IL23R: variants seen among roughly 807,000 people sequenced by gnomAD.
IL23R encodes the protein interleukin 23 receptor.
IL23R carries 34 observed loss-of-function variants against 56.9 expected under a neutral mutation model. The ratio of observed to expected loss-of-function variants is 0.60; its 90% CI spans 0.45 to 0.80. The LOEUF (loss-of-function observed/expected upper bound fraction) is 0.80, where lower values mean the gene tolerates loss of function less well. IL23R is among the 30% of genes least tolerant of loss of function. The probability of loss-of-function intolerance (pLI) is 0.00; values close to 1 mark genes in which losing one functional copy is unlikely to be tolerated. For synonymous variants in IL23R, 230 were observed against 249.2 expected (o/e 0.92, Z 0.73); for missense variants, 635 against 730.0 (o/e 0.87, Z 1.50).
At chr1:67,197,623 T>C (rs548991375) in intron 4 of IL23R, among the ~76,000 whole-genome samples, 2 of 152,360 alleles carry the variant, frequency 1.3e-5, no homozygotes, top group East Asian at 3.9e-4. Flanking sequence ...AGGACACTCC[T>C]GTGTTAGTCC....
At chr1:67,181,906 C>T (rs1003964755) in intron 3 of IL23R, among the ~76,000 whole-genome samples, 3 of 152,178 alleles carry the variant, frequency 2.0e-5, no homozygotes, top group African/African-American at 7.2e-5. Context: ...CATTCCAGCC[C>T]TGTTTGCCTG....
rs551294148 is a variant in IL23R, at chr1:67,179,737, C to A, written c.368-3099C>A. Among the ~76,000 whole-genome samples, 6 of 152,232 alleles carry A rather than the reference C, an allele frequency of 3.9e-5. No homozygotes were observed. The East Asian group carries it at 1.2e-3, about 29-fold the overall frequency. On this transcript the variant is annotated intron_variant, in intron 3 of 10. Transcript: ENST00000347310. ...GGTTGTCAATTTTAGATCTTTCCTG[C>A]TTTCTCTTGTGGGCATTTAGTGCTA...
At chr1:67,251,507 G>A (rs1043255055) in intron 9 of IL23R, among the ~76,000 whole-genome samples, 16 of 151,838 alleles carry the variant, frequency 1.1e-4, no homozygotes, top group African/African-American at 3.6e-4. Flanking sequence ...CTATAGCTTG[G>A]ATATCCACTT....
At chr1:67,168,248 A>T in intron 2 of IL23R, 58 bp downstream of exon 2, 1 of 1,195,574 alleles carries the variant, frequency 8.4e-7, no homozygotes, top group South Asian at 1.2e-5. Context: ...ATATTGAGTG[A>T]TTATCATTTT....
chr1:67,246,910 G>A (rs537562613), intron 9 of IL23R, among the ~76,000 whole-genome samples: 39 of 152,124 alleles, frequency 2.6e-4, no homozygotes, highest in African/African-American at 8.2e-4. Flanking sequence ...TTGACAGTGG[G>A]GTGTTAAAGT....
rs766141287 is a variant in IL23R, at chr1:67,207,056, G to T, written c.798+1G>T. 2 of 1,613,958 alleles carry T rather than the reference G, an allele frequency of 1.2e-6. No homozygotes were observed. Among genetic ancestry groups the T allele is most frequent in the Non-Finnish European group, 1.7e-6 (2 of 1,179,924 alleles). ...GGCTACAACAAACCAAACTTGGAAT[G>T]TAAGCTCAACTTTCATTATGCTTTA... On this transcript the variant is annotated splice_donor_variant, in intron 6 of 10. Transcript: ENST00000347310. LOFTEE classifies it high-confidence loss of function.
intron 7 of IL23R, among the ~76,000 whole-genome samples, chr1:67,224,409 C>A (rs930466663): frequency 6.6e-6 from 1 of 152,212 alleles, no homozygotes; most frequent in Non-Finnish European, 1.5e-5. Context: ...CTCTTCCAAG[C>A]AGGACTTTTC....
intron 6 of IL23R, among the ~76,000 whole-genome samples, chr1:67,213,422 T>A (rs1382072627): frequency 6.6e-6 from 1 of 152,160 alleles, no homozygotes; most frequent in East Asian, 1.9e-4. Flanking sequence ...GTATTGAGGG[T>A]GCTTTTCAGC....
intron 1 of IL23R, among the ~76,000 whole-genome samples, chr1:67,160,145 G>T (rs1273122762): frequency 6.6e-6 from 1 of 152,036 alleles, no homozygotes; most frequent in Admixed American, 6.6e-5. Context: ...GAGCCACCGC[G>T]CCCAGCCTGG....
At chr1:67,167,319 C>A (rs555087093) in intron 1 of IL23R, among the ~76,000 whole-genome samples, 1 of 152,240 alleles carries the variant, frequency 6.6e-6, no homozygotes, top group Non-Finnish European at 1.5e-5. Flanking sequence ...AATCCACCGG[C>A]CTCTGCCTCC....
At chr1:67,169,099 A>G (rs895156631) in intron 2 of IL23R, among the ~76,000 whole-genome samples, 1 of 149,184 alleles carries the variant, frequency 6.7e-6, no homozygotes, top group African/African-American at 2.5e-5. Context: ...CGAGATCGCA[A>G]CACTGCACTG....
At chr1:67,218,348 G>GTATATA (rs1472585876) in intron 6 of IL23R, among the ~76,000 whole-genome samples, 54 of 142,360 alleles carry the variant, frequency 3.8e-4, no homozygotes, top group African/African-American at 1.3e-3. Flanking sequence ...GTGTGTGTGT[G>GTATATA]TGTGTGTGTG....
intron 5 of IL23R, among the ~76,000 whole-genome samples, chr1:67,204,435 C>T (rs895762635): frequency 6.6e-5 from 10 of 152,284 alleles, no homozygotes; most frequent in Admixed American, 3.9e-4. Flanking sequence ...GTATGTATTA[C>T]ATAATAAATG....
At chr1:67,158,306 AG>A (rs930600744) in intron 1 of IL23R, among the ~76,000 whole-genome samples, 3 of 152,176 alleles carry the variant, frequency 2.0e-5, no homozygotes, top group South Asian at 2.1e-4. Context: ...TTAGCCCAGG[AG>A]GGTTCTTGGT....
At chr1:67,236,662 C>A in intron 7 of IL23R, 51 bp from the exon 8 acceptor site, 1 of 1,217,762 alleles carries the variant, frequency 8.2e-7, no homozygotes, top group Non-Finnish European at 1.2e-6. Flanking sequence ...GGAAATTTGG[C>A]AAGCAGAGTG....
chr1:67,212,568 C>T (rs901522094), intron 6 of IL23R, among the ~76,000 whole-genome samples: 2 of 145,062 alleles, frequency 1.4e-5, no homozygotes, highest in East Asian at 4.0e-4. Context: ...CCTTTTGAGA[C>T]AGGGTCTTGC....
intron 3 of IL23R, among the ~76,000 whole-genome samples, chr1:67,170,572 T>C (rs549558563): frequency 1.3e-5 from 2 of 152,350 alleles, no homozygotes; most frequent in South Asian, 4.1e-4. Flanking sequence ...CGTATAATTA[T>C]ATACCTAGTT....
Position 67,181,896 on chromosome 1 carries a change from C to G in IL23R, c.368-940C>G, listed in dbSNP as rs146867811. 5.8e-3 allele frequency among the ~76,000 whole-genome samples: 881 copies of G among 152,298 alleles called. 6 individuals are homozygous for G. The highest frequency in any genetic ancestry group is 0.02 in the African/African-American group (849 of 41,552). ...GGTCTGTTGGAGTTTGCTGGAGGTC[C>G]ATTCCAGCCCTGTTTGCCTGGGTAT... On this transcript the variant is annotated intron_variant, in intron 3 of 10. Transcript: ENST00000347310.
chr1:67,222,023 T>A (rs1019251300), intron 7 of IL23R, among the ~76,000 whole-genome samples: 1 of 147,504 alleles, frequency 6.8e-6, no homozygotes, highest in Non-Finnish European at 1.5e-5. Flanking sequence ...AAAATAAAAA[T>A]AAATAGAAAT....
Sources: allele counts gnomAD v4.1 joint callset (sites outside exome capture counted in the v4.1 genomes callset), GRCh38; gene constraint gnomAD v4.1.1; transcripts MANE v1.5; gene names NCBI Gene and HGNC (gene_info 2026-07-23, HGNC 2026-07-21).